The following ANKRD11 variants were observed in gnomAD, a reference collection of about 807,000 sequenced individuals.
The protein encoded by ANKRD11 is ankyrin repeat domain-containing protein 11.
A neutral mutation model predicts 195.7 loss-of-function variants in ANKRD11; 17 were observed. That is an observed-to-expected ratio of 0.09 (90% CI 0.06 to 0.13). ANKRD11 has a LOEUF of 0.13. Ranked by LOEUF, ANKRD11 falls within the 10% of genes least tolerant of loss-of-function variation. The pLI is 1.00. For missense variants in ANKRD11, 3,735 were observed against 3,566.1 expected (o/e 1.05, Z -1.21); for synonymous variants, 1,953 against 1,528.1 (o/e 1.28, Z -6.49).
At position 89,467,677 on chromosome 16, in the gene ANKRD11, G is replaced by A. The variant is rs975461542; in HGVS notation, c.-145+22568C>T. Among the ~76,000 whole-genome samples the A allele has an allele frequency of 2.6e-5, 4 of 152,046 alleles. No individual in the cohort carries two copies. The South Asian group carries it at 6.2e-4, about 24-fold the overall frequency. On this transcript the variant is annotated intron_variant, in intron 1 of 12. Coordinates refer to ENST00000301030, the MANE Select transcript of ANKRD11 (RefSeq NM_013275.6). ...CTGACCCTGTATCACTCTTCAACACGCAGGATGCACTGCACAGCTGATCCC... is the reference window on the plus strand; with the variant it reads ...CTGACCCTGTATCACTCTTCAACACACAGGATGCACTGCACAGCTGATCCC...
chr16:89,396,384 G>C (rs1056487544), intron 2 of ANKRD11, among the ~76,000 whole-genome samples: 1 of 152,110 alleles, frequency 6.6e-6, no homozygotes, highest in African/African-American at 2.4e-5. Context: ...CGCACTCGCC[G>C]CAAGAGAGAC....
chr16:89,458,654 C>G (rs538447169), intron 1 of ANKRD11, among the ~76,000 whole-genome samples: 1 of 152,362 alleles, frequency 6.6e-6, no homozygotes, highest in South Asian at 2.1e-4. Context: ...TTCCATTAAT[C>G]ATCTCCAAGG....
intron 2 of ANKRD11, among the ~76,000 whole-genome samples, chr16:89,367,889 G>A (rs976231123): frequency 1.3e-5 from 2 of 152,048 alleles, no homozygotes; most frequent in African/African-American, 4.8e-5. Flanking sequence ...TTGTGGTACC[G>A]GCTACTCCAG....
chr16:89,337,426 A>ATTTTTTTTTTTT (rs763560924), intron 2 of ANKRD11, among the ~76,000 whole-genome samples: 6 of 43,784 alleles, frequency 1.4e-4, no homozygotes, highest in Admixed American at 5.2e-4. Flanking sequence ...GGTCTAAGCA[A>ATTTTTTTTTTTT]TTCTTTTTTT....
At chr16:89,438,579 C>T (rs1404285037) in intron 1 of ANKRD11, among the ~76,000 whole-genome samples, 7 of 152,124 alleles carry the variant, frequency 4.6e-5, no homozygotes, top group Non-Finnish European at 1.0e-4. Flanking sequence ...GTGATCCACC[C>T]ACCTGGGCCT....
intron 7 of ANKRD11, 79 bp from the exon 8 acceptor site, chr16:89,286,265 C>T (rs978830938): frequency 1.9e-6 from 3 of 1,588,196 alleles, no homozygotes; most frequent in Non-Finnish European, 2.6e-6. Context: ...ACGGCAGCCC[C>T]TTCCGAGAAC....
intron 2 of ANKRD11, among the ~76,000 whole-genome samples, chr16:89,405,525 G>T (rs1170120651): frequency 6.7e-6 from 1 of 148,920 alleles, no homozygotes; most frequent in African/African-American, 2.5e-5. Flanking sequence ...TAGAGACAGG[G>T]TTCTCACTAT....
At chr16:89,465,037 G>A (rs1308108769) in intron 1 of ANKRD11, among the ~76,000 whole-genome samples, 1 of 152,212 alleles carries the variant, frequency 6.6e-6, no homozygotes, top group African/African-American at 2.4e-5. Context: ...AACATTTTGT[G>A]GTAAGTGAAA....
chr16:89,313,145 G>A (rs997191029), intron 3 of ANKRD11, among the ~76,000 whole-genome samples: 6 of 152,188 alleles, frequency 3.9e-5, no homozygotes, highest in African/African-American at 1.2e-4. Flanking sequence ...GTGACTGCTC[G>A]TCGGAGGACA....
chr16:89,385,315 G>A lies in ANKRD11; in HGVS notation c.-60+32969C>T, dbSNP rs115901602. ...AACTAATTTGTGTATTTTTAGTAGA[G>A]ACGCTGTTTTGCCATGTTGGCCGGG... On this transcript the variant is annotated intron_variant, in intron 2 of 12. Transcript: ENST00000301030. Among the ~76,000 whole-genome samples, 1,459 of 151,934 alleles carry A rather than the reference G, an allele frequency of 9.6e-3. 30 individuals are homozygous for A. Among genetic ancestry groups the A allele is most frequent in the African/African-American group, 0.033 (1,380 of 41,390 alleles).
Position 89,279,031 on chromosome 16 carries a change from CAGAG to C in ANKRD11, c.7470+37_7470+40del, listed in dbSNP as rs1343171237. 1.9e-6 allele frequency: 3 copies of C among 1,611,398 alleles called. No homozygotes were observed. Among genetic ancestry groups the C allele is most frequent in the African/African-American group, 1.3e-5 (1 of 74,850 alleles). On this transcript the variant is annotated intron_variant, in intron 9 of 12. Transcript: ENST00000301030. The surrounding 1 kb of genome is among the most constrained non-coding windows in gnomAD (Gnocchi z 5.6). The stretch of plus-strand genomic sequence containing the variant: ...GTGACTAGGGGCCCCAGACGCATCC[CAGAG>C]AGAGAAGGCAGTGGCTCTCCCGGGC...
chr16:89,470,715 C>T (rs1323934081), intron 1 of ANKRD11, among the ~76,000 whole-genome samples: 1 of 150,920 alleles, frequency 6.6e-6, no homozygotes, highest in Non-Finnish European at 1.5e-5. Flanking sequence ...CGTGGCCGGG[C>T]GCGGTGGCTC....
At chr16:89,386,319 A>G (rs552466666) in intron 2 of ANKRD11, among the ~76,000 whole-genome samples, 1 of 152,110 alleles carries the variant, frequency 6.6e-6, no homozygotes, top group African/African-American at 2.4e-5. Flanking sequence ...CAATGCACTA[A>G]TTCTCCCTTC....
chr16:89,344,686 C>T (rs750157221), intron 2 of ANKRD11, among the ~76,000 whole-genome samples: 17 of 152,226 alleles, frequency 1.1e-4, no homozygotes, highest in Non-Finnish European at 1.5e-4. Context: ...TGGGAGCTGC[C>T]GACACCTTCA....
chr16:89,360,856 G>A (rs2039698184), intron 2 of ANKRD11: 1 of 152,252 alleles, frequency 6.6e-6, no homozygotes, highest in African/African-American at 2.4e-5. Flanking sequence ...CTCTCTGCAT[G>A]AAGCCTCTCT....
intron 4 of ANKRD11, among the ~76,000 whole-genome samples, chr16:89,303,052 T>C (rs2035953146): frequency 6.6e-6 from 1 of 152,126 alleles, no homozygotes; most frequent in Non-Finnish European, 1.5e-5. Flanking sequence ...TGCACCATGA[T>C]GAAACGGCCA....
At chr16:89,302,010 C>A (rs552429518) in intron 4 of ANKRD11, among the ~76,000 whole-genome samples, 1 of 152,340 alleles carries the variant, frequency 6.6e-6, no homozygotes, top group South Asian at 2.1e-4. Flanking sequence ...GGCACCCACA[C>A]CCCTCCAGAG....
intron 2 of ANKRD11, among the ~76,000 whole-genome samples, chr16:89,358,017 C>T (rs1301416450): frequency 1.3e-5 from 2 of 152,254 alleles, no homozygotes; most frequent in African/African-American, 2.4e-5. Flanking sequence ...GTAAATGCTT[C>T]CTTTCCAAAG....
At chr16:89,339,921 T>C (rs973408677) in intron 2 of ANKRD11, 7 of 152,224 alleles carry the variant, frequency 4.6e-5, no homozygotes, top group African/African-American at 1.4e-4. Flanking sequence ...AGGTAACGCA[T>C]TGGACGGTTC....
Sources: gnomAD v4.1 joint callset for allele counts (sites outside exome capture counted in the v4.1 genomes callset) on GRCh38, gnomAD v4.1.1 for gene constraint, Gnocchi (gnomAD v3.1) non-coding constraint, MANE v1.5 for transcripts, NCBI Gene and HGNC (gene_info 2026-07-23, HGNC 2026-07-21) for gene names.